SEC23A: variants seen among roughly 807,000 people sequenced by gnomAD.
SEC23A encodes protein transport protein Sec23A.
A neutral mutation model predicts 103.7 loss-of-function variants in SEC23A; 56 were observed. The observed-to-expected ratio is 0.54, with a 90% CI of 0.44 to 0.67. The LOEUF is 0.67. Among genes scored for constraint, SEC23A ranks in the 30% least tolerant of loss-of-function variants. SEC23A has a pLI of 0.00. For synonymous variants in SEC23A, 281 were observed against 293.0 expected, an observed-to-expected ratio of 0.96 and a Z score of 0.42; for missense variants, 784 against 936.4, an observed-to-expected ratio of 0.84 and a Z score of 2.12.
chr14:39,041,409 C>CAAAAAAAAAAAAAAAAAAAAAAAAAAA (rs56911438), intron 17 of SEC23A: 2 of 14,638 alleles, frequency 1.4e-4, no homozygotes, highest in African/African-American at 2.2e-4. Context: ...AAAGAAAAAG[C>CAAAAAAAAAAAAAAAAAAAAAAAAAAA]AAAAAAAAAA....
In SEC23A at chr14:39,037,307, C is replaced by T. The variant is rs1885494109; in HGVS notation, c.2208+1724G>A. Among the ~76,000 whole-genome samples the T allele has an allele frequency of 4.6e-5, 7 of 152,072 alleles. No homozygotes were observed. The South Asian group carries it at 1.5e-3, about 32-fold the overall frequency. On this transcript the variant is annotated intron_variant, in intron 19 of 19. Coordinates refer to ENST00000307712, the MANE Select transcript of SEC23A (RefSeq NM_006364.4). ...AGTACCTCAAACTCAGTGTCTAAAC[C>T]AAACAATTTCTCTCCACTCTCCCAT...
In SEC23A at chr14:39,042,918, T is replaced by A. The variant is rs4902326; in HGVS notation, c.1900-46A>T. The A allele has an allele frequency of 0.77, 893,061 of 1,157,052 alleles. 346,815 individuals carry two copies. Among genetic ancestry groups the A allele is most frequent in the Non-Finnish European group, 0.8 (609,207 of 764,798 alleles). The allele number at this position is 1,157,052 out of a possible 1,614,324, so 71.7% of individuals were successfully genotyped here. On this transcript the variant is annotated intron_variant, in intron 16 of 19. Transcript: ENST00000307712. The stretch of plus-strand genomic sequence containing the variant: ...AGAAATGAGGAAAAAGGAAAAATAA[T>A]CTACTCAATAATATAAAATAGATGT...
chr14:39,052,234 T>A, intron 14 of SEC23A, among the ~76,000 whole-genome samples: 1 of 151,776 alleles, frequency 6.6e-6, no homozygotes, highest in East Asian at 1.9e-4. Context: ...GGGATATCTG[T>A]GCAGTAAACC....
intron 15 of SEC23A, chr14:39,047,246 G>T (rs1885870530): frequency 8.7e-6 from 3 of 345,734 alleles, no homozygotes; most frequent in Non-Finnish European, 1.6e-5. Flanking sequence ...CAACAAGAAG[G>T]CTTGAGGCAG....
intron 11 of SEC23A, 110 bp downstream of exon 11, chr14:39,064,803 C>T (rs1886600878): frequency 6.1e-6 from 5 of 822,840 alleles, no homozygotes; most frequent in South Asian, 2.7e-5. Flanking sequence ...TGGTCTCTAA[C>T]TCCTGGGCTT....
At chr14:39,041,592 G>A (rs925783506) in intron 17 of SEC23A, among the ~76,000 whole-genome samples, 4 of 151,382 alleles carry the variant, frequency 2.6e-5, no homozygotes, top group South Asian at 2.1e-4. Context: ...TGGGTAGGTC[G>A]GGCGCGATGG....
Position 39,067,188 on chromosome 14 carries a change from A to G in SEC23A, c.1212T>C (p.Gly404=). The G allele has an allele frequency of 6.2e-7, 1 of 1,613,822 alleles. No homozygotes were observed. The highest frequency in any genetic ancestry group is 8.5e-7 in the Non-Finnish European group (1 of 1,179,876). Residue 404 remains glycine, a synonymous_variant, in exon 10 of 20, where the codon GGT becomes GGC. Coordinates refer to ENST00000307712, the MANE Select transcript of SEC23A (RefSeq NM_006364.4). ...MHGQFKMGFG[G]TLEIKTSREI... is the part of the protein sequence containing the mutation. ...TGGTTCTTACCTTTATTTCTAGCGTACCACCAAAGCCCATTTTAAACTGTC... is the reference window on the plus strand; with the variant it reads ...TGGTTCTTACCTTTATTTCTAGCGTGCCACCAAAGCCCATTTTAAACTGTC...
In SEC23A at chr14:39,076,071, G is replaced by A. The variant is rs748424552; in HGVS notation, c.851C>T (p.Ala284Val). The part of the protein sequence containing the change: ...LLECTFPNTG[A>V]RIMMFIGGPA... ...ACCACCAATGAACATCATGATACGAGCACCAGTGTTGGGAAAAGTACACTA... is the reference window on the plus strand; with the variant it reads ...ACCACCAATGAACATCATGATACGAACACCAGTGTTGGGAAAAGTACACTA... The change falls in exon 8 of 20, where the codon GCT becomes GTT. Residue 284 changes from alanine (A) to valine (V), a missense_variant. Around this residue, in one of 2 missense-constraint regions of SEC23A, gnomAD observed 683 missense variants for 774.2 expected, o/e 0.88. Transcript: ENST00000307712. The A allele has an allele frequency of 6.2e-7, 1 of 1,612,840 alleles. No individual in the cohort carries two copies. The highest frequency in any genetic ancestry group is 2.2e-5 in the East Asian group (1 of 44,838).
At position 39,041,682 on chromosome 14, in the gene SEC23A, CAACATGGTG is replaced by C. The variant is rs896091348; in HGVS notation, c.1987-804_1987-796del. Reference sequence around the variant, plus strand: ...GTCAGGAGTTCGAGACCAGCCTGGCCAACATGGTGAAAACCTGTCTCTACTAAAATGCAA... The same window carrying C: ...GTCAGGAGTTCGAGACCAGCCTGGCCAAAACCTGTCTCTACTAAAATGCAA... On this transcript the variant is annotated intron_variant, in intron 17 of 19. Transcript: ENST00000307712. 6.9e-4 allele frequency among the ~76,000 whole-genome samples: 105 copies of C among 151,950 alleles called. 1 individual carries two copies. Among genetic ancestry groups the C allele is most frequent in the African/African-American group, 2.4e-3 (100 of 41,500 alleles).
At chr14:39,080,312 A>G (rs1887179929) in intron 7 of SEC23A, among the ~76,000 whole-genome samples, 1 of 152,234 alleles carries the variant, frequency 6.6e-6, no homozygotes, top group South Asian at 2.1e-4. Context: ...GCACTAAAGA[A>G]AAGAAAAAAA....
intron 7 of SEC23A, among the ~76,000 whole-genome samples, chr14:39,081,312 C>T (rs1032991281): frequency 6.6e-6 from 1 of 151,724 alleles, no homozygotes; most frequent in African/African-American, 2.4e-5. Context: ...TTATATCCAA[C>T]CAAGCTATTC....
chr14:39,041,931 T>C (rs1023639606), intron 17 of SEC23A, among the ~76,000 whole-genome samples: 1 of 152,106 alleles, frequency 6.6e-6, no homozygotes, highest in Non-Finnish European at 1.5e-5. Flanking sequence ...GTAATGTCTT[T>C]ACTATTACAG....
intron 19 of SEC23A, 49 bp downstream of exon 19, chr14:39,038,982 C>G: frequency 6.8e-7 from 1 of 1,468,512 alleles, no homozygotes; most frequent in African/African-American, 1.4e-5. Context: ...AAATAATAAA[C>G]AATAAATACA....
intron 11 of SEC23A, chr14:39,064,436 AT>A (rs1209375000): frequency 1.9e-5 from 3 of 154,396 alleles, no homozygotes; most frequent in Non-Finnish European, 2.9e-5. Context: ...TTTAGAGCTA[AT>A]TTTGACTTTC....
At chr14:39,094,959 G>GA in intron 2 of SEC23A, 1 of 696,938 alleles carries the variant, frequency 1.4e-6, no homozygotes. Flanking sequence ...ACTACTGGAA[G>GA]ATGTTCATCA....
intron 13 of SEC23A, among the ~76,000 whole-genome samples, chr14:39,058,317 T>C (rs1886317212): frequency 6.6e-6 from 1 of 152,120 alleles, no homozygotes; most frequent in African/African-American, 2.4e-5. Flanking sequence ...TTTTTATTTT[T>C]TGAGACGGAG....
chr14:39,039,018 T>G lies in SEC23A; in HGVS notation c.2208+13A>C, dbSNP rs771302861. On this transcript the variant is annotated intron_variant, in intron 19 of 19. Transcript: ENST00000307712. Reference sequence around the variant, plus strand: ...CAAAGAAATAATTTCCAAGACCTGCTATTTAAACTTACCTGCCCCCAGGCA... The same window carrying G: ...CAAAGAAATAATTTCCAAGACCTGCGATTTAAACTTACCTGCCCCCAGGCA... 5 of 1,596,920 alleles carry G rather than the reference T, an allele frequency of 3.1e-6. No homozygotes were observed. The South Asian group carries it at 5.5e-5, about 18-fold the overall frequency.
At chr14:39,074,646 ATTAG>A (rs1300343219) in intron 8 of SEC23A, 116 bp from the exon 9 acceptor site, 5 of 661,292 alleles carry the variant, frequency 7.6e-6, no homozygotes, top group Non-Finnish European at 1.3e-5. Flanking sequence ...TTAAATTATG[ATTAG>A]TTATTTAACT....
chr14:39,034,070 T>C (rs182844258), intron 19 of SEC23A, among the ~76,000 whole-genome samples: 89 of 152,370 alleles, frequency 5.8e-4, no homozygotes, highest in African/African-American at 2.0e-3. Flanking sequence ...TAGTCTGGCA[T>C]AGCCACAAAC....
Sources: gnomAD v4.1 joint callset for allele counts (sites outside exome capture counted in the v4.1 genomes callset) on GRCh38, gnomAD v4.1.1 for gene constraint, gnomAD v4.1.1 regional missense constraint, MANE v1.5 for transcripts, NCBI Gene and HGNC (gene_info 2026-07-23, HGNC 2026-07-21) for gene names.